MACROD2: variants seen among roughly 807,000 people sequenced by gnomAD.
MACROD2 encodes ADP-ribose glycohydrolase MACROD2.
MACROD2 carries 36 observed loss-of-function variants against 70.4 expected under a neutral mutation model. The ratio of observed to expected loss-of-function variants is 0.51; its 90% CI spans 0.39 to 0.68. The LOEUF (loss-of-function observed/expected upper bound fraction) is 0.68, where lower values mean the gene tolerates loss of function less well. Among genes scored for constraint, MACROD2 ranks in the 30% least tolerant of loss-of-function variants. The probability of loss-of-function intolerance (pLI) is 0.00; values close to 1 mark genes in which losing one functional copy is unlikely to be tolerated. For synonymous variants in MACROD2, 172 were observed against 178.8 expected, an observed-to-expected ratio of 0.96 and a Z score of 0.30; for missense variants, 496 against 538.4, an observed-to-expected ratio of 0.92 and a Z score of 0.78.
intron 5 of MACROD2, among the ~76,000 whole-genome samples, chr20:14,844,331 T>C (rs1316685616): frequency 1.3e-5 from 2 of 151,780 alleles, no homozygotes; most frequent in Non-Finnish European, 2.9e-5. Flanking sequence ...CTGGCTAACA[T>C]GATGAAACCT....
intron 4 of MACROD2, among the ~76,000 whole-genome samples, chr20:14,521,069 C>T (rs760362330): frequency 2.0e-5 from 3 of 152,214 alleles, no homozygotes; most frequent in Non-Finnish European, 4.4e-5. Flanking sequence ...CTCCAAAGCA[C>T]AGACTTAATA....
At chr20:15,158,289 A>G (rs1462247581) in intron 5 of MACROD2, among the ~76,000 whole-genome samples, 1 of 152,192 alleles carries the variant, frequency 6.6e-6, no homozygotes, top group African/African-American at 2.4e-5. Context: ...ATAAGACAGT[A>G]ATTATGATTG....
intron 6 of MACROD2, among the ~76,000 whole-genome samples, chr20:15,282,417 T>G (rs973468695): frequency 2.6e-5 from 4 of 152,222 alleles, no homozygotes; most frequent in Admixed American, 2.6e-4. Context: ...CCAAACCACA[T>G]CTTTGTGAAT....
intron 5 of MACROD2, among the ~76,000 whole-genome samples, chr20:15,032,607 T>C (rs1463391525): frequency 6.6e-6 from 1 of 152,218 alleles, no homozygotes; most frequent in Non-Finnish European, 1.5e-5. Context: ...ACCGTCACTC[T>C]AACCGGAAAT....
At chr20:15,008,108 T>C (rs1239525637) in intron 5 of MACROD2, among the ~76,000 whole-genome samples, 2 of 152,204 alleles carry the variant, frequency 1.3e-5, no homozygotes, top group Admixed American at 1.3e-4. Context: ...TAACGTGCTA[T>C]TAGTTCTTTA....
chr20:14,165,140 T>C (rs1468852566), intron 3 of MACROD2, among the ~76,000 whole-genome samples: 1 of 152,136 alleles, frequency 6.6e-6, no homozygotes, highest in Non-Finnish European at 1.5e-5. Flanking sequence ...AATGGTGCTG[T>C]GCCATGCCTG....
At chr20:15,299,960 G>C (rs938953582) in intron 6 of MACROD2, among the ~76,000 whole-genome samples, 1 of 152,142 alleles carries the variant, frequency 6.6e-6, no homozygotes, top group African/African-American at 2.4e-5. Context: ...GCTTTTCTTT[G>C]GACAGGTCTT....
At chr20:14,590,147 A>G (rs1033356290) in intron 4 of MACROD2, among the ~76,000 whole-genome samples, 1 of 152,174 alleles carries the variant, frequency 6.6e-6, no homozygotes, top group South Asian at 2.1e-4. Flanking sequence ...AGGTGGTCAT[A>G]CATATGTTAC....
At chr20:15,452,140 C>T (rs894029654) in intron 7 of MACROD2, among the ~76,000 whole-genome samples, 7 of 152,136 alleles carry the variant, frequency 4.6e-5, no homozygotes, top group African/African-American at 7.2e-5. Context: ...GTTCACTTAT[C>T]GGGCAAGCTT....
At chr20:15,548,311 T>C (rs949364795) in intron 8 of MACROD2, among the ~76,000 whole-genome samples, 5 of 152,194 alleles carry the variant, frequency 3.3e-5, no homozygotes, top group South Asian at 2.1e-4. Context: ...ATATCATAAA[T>C]TCTCTAACAC....
chr20:15,180,110 A>T (rs939744284), intron 5 of MACROD2, among the ~76,000 whole-genome samples: 6 of 152,130 alleles, frequency 3.9e-5, no homozygotes, highest in African/African-American at 1.4e-4. Flanking sequence ...ATTAGGGTTC[A>T]TCCACCCTAA....
chr20:14,192,744 G>A (rs1414343248), intron 3 of MACROD2, among the ~76,000 whole-genome samples: 6 of 152,176 alleles, frequency 3.9e-5, no homozygotes, highest in East Asian at 1.9e-4. Context: ...CTGTTTATGC[G>A]TAGTAATTTC....
intron 3 of MACROD2, chr20:14,323,849 G>C (rs1228551855): frequency 6.6e-6 from 1 of 152,136 alleles, no homozygotes; most frequent in East Asian, 1.9e-4. Flanking sequence ...AAAGTATCAG[G>C]ACAGTGGCAG....
intron 8 of MACROD2, among the ~76,000 whole-genome samples, chr20:15,842,712 GGATAGATAGATA>G (rs60376874): frequency 7.1e-6 from 1 of 141,584 alleles, no homozygotes; most frequent in Non-Finnish European, 1.5e-5. Flanking sequence ...GTGGGTGGAT[GGATAGATAGATA>G]GATAGATAGA....
chr20:15,655,117 G>A lies in MACROD2; in HGVS notation c.645+155270G>A, dbSNP rs189519983. 2.4e-4 allele frequency among the ~76,000 whole-genome samples: 36 copies of A among 152,000 alleles called. No homozygotes were observed. In the East Asian group the frequency reaches 6.8e-3, roughly 29 times the overall value. On this transcript the variant is annotated intron_variant, in intron 8 of 17. Coordinates refer to ENST00000684519, the MANE Select transcript of MACROD2 (RefSeq NM_001351661.2). Reference sequence around the variant, plus strand: ...CTTGAAAAATACAATGTGTGTGTGTGTATGTGTGTGCGTGTGTGTGTTGTG... The same window carrying A: ...CTTGAAAAATACAATGTGTGTGTGTATATGTGTGTGCGTGTGTGTGTTGTG...
intron 8 of MACROD2, among the ~76,000 whole-genome samples, chr20:15,808,680 G>T (rs1273878782): frequency 6.6e-6 from 1 of 152,034 alleles, no homozygotes; most frequent in Non-Finnish European, 1.5e-5. Flanking sequence ...TGATTTAAAT[G>T]ATACATAATA....
intron 8 of MACROD2, among the ~76,000 whole-genome samples, chr20:15,743,263 A>G (rs545893897): frequency 6.6e-6 from 1 of 152,262 alleles, no homozygotes; most frequent in African/African-American, 2.4e-5. Flanking sequence ...AGCCTTACCC[A>G]TGTGTACCCC....
chr20:15,900,331 G>A (rs922906766), intron 10 of MACROD2, among the ~76,000 whole-genome samples: 8 of 152,112 alleles, frequency 5.3e-5, no homozygotes, highest in Non-Finnish European at 1.2e-4. Context: ...TAAGCAAAAT[G>A]TGTAAATTTC....
chr20:14,628,137 G>T (rs1984291828), intron 4 of MACROD2, among the ~76,000 whole-genome samples: 1 of 152,166 alleles, frequency 6.6e-6, no homozygotes, highest in South Asian at 2.1e-4. Flanking sequence ...AAGAGAACAG[G>T]TTTGGAGAAA....
Sources: gnomAD v4.1 joint callset for allele counts (sites outside exome capture counted in the v4.1 genomes callset) on GRCh38, gnomAD v4.1.1 for gene constraint, MANE v1.5 for transcripts, NCBI Gene and HGNC (gene_info 2026-07-23, HGNC 2026-07-21) for gene names.